LRRC4C: variants seen among roughly 807,000 people sequenced by gnomAD.
LRRC4C encodes the protein leucine-rich repeat-containing protein 4C.
A neutral mutation model predicts 33.6 loss-of-function variants in LRRC4C; 5 were observed. That is an observed-to-expected ratio of 0.15 (90% CI 0.08 to 0.31). LRRC4C has a LOEUF of 0.31. Ranked by LOEUF, LRRC4C falls within the 10% of genes least tolerant of loss-of-function variation. The pLI, the probability that LRRC4C is intolerant of heterozygous loss-of-function variation, is 1.00. For synonymous variants in LRRC4C, 329 were observed against 302.0 expected (o/e 1.09, Z -0.93); for missense variants, 560 against 796.7 (o/e 0.70, Z 3.58).
At chr11:40,302,061 C>T (rs1419634921) in intron 4 of LRRC4C, among the ~76,000 whole-genome samples, 1 of 152,140 alleles carries the variant, frequency 6.6e-6, no homozygotes, top group African/African-American at 2.4e-5. Context: ...ACATATCTAC[C>T]TAATCCATCA....
chr11:40,207,552 T>C (rs908341156), intron 5 of LRRC4C, among the ~76,000 whole-genome samples: 3 of 152,156 alleles, frequency 2.0e-5, no homozygotes, highest in African/African-American at 7.2e-5. Flanking sequence ...CAGTGAGCAA[T>C]GATCATGCCA....
At chr11:40,431,394 C>A (rs868287545) in intron 3 of LRRC4C, among the ~76,000 whole-genome samples, 837 of 125,150 alleles carry the variant, frequency 6.7e-3, no homozygotes, top group African/African-American at 6.9e-3. Context: ...GACTCTGTCT[C>A]AAAAAAAAAA....
At chr11:41,029,693 C>T (rs1856595358) in intron 1 of LRRC4C, among the ~76,000 whole-genome samples, 1 of 151,650 alleles carries the variant, frequency 6.6e-6, no homozygotes, top group African/African-American at 2.4e-5. Context: ...GGACTGATAC[C>T]TGGAGATTAG....
intron 2 of LRRC4C, among the ~76,000 whole-genome samples, chr11:40,772,973 A>T: frequency 6.6e-6 from 1 of 152,326 alleles, no homozygotes; most frequent in East Asian, 1.9e-4. Context: ...CAGATGAATT[A>T]ATAAAGGAAA....
At chr11:41,429,102 T>C (rs1423553676) in intron 1 of LRRC4C, among the ~76,000 whole-genome samples, 3 of 152,138 alleles carry the variant, frequency 2.0e-5, no homozygotes, top group Admixed American at 2.0e-4. Flanking sequence ...CCTCATGCTG[T>C]TCTCTTGATA....
At chr11:41,028,890 T>C (rs1240884012) in intron 1 of LRRC4C, among the ~76,000 whole-genome samples, 1 of 151,692 alleles carries the variant, frequency 6.6e-6, no homozygotes, top group African/African-American at 2.4e-5. Context: ...CTGATGTCCA[T>C]AGAGAAGGTG....
At chr11:40,834,296 C>A (rs1952555022) in intron 2 of LRRC4C, among the ~76,000 whole-genome samples, 1 of 151,928 alleles carries the variant, frequency 6.6e-6, no homozygotes, top group South Asian at 2.1e-4. Flanking sequence ...CATGGTAAAA[C>A]CCTGTCTCTA....
At chr11:40,948,890 G>A (rs948280886) in intron 1 of LRRC4C, among the ~76,000 whole-genome samples, 43 of 151,918 alleles carry the variant, frequency 2.8e-4, no homozygotes, top group Non-Finnish European at 5.7e-4. Context: ...CCCAGTAATG[G>A]GATGGCTGGG....
At chr11:40,733,912 T>C (rs1947730256) in intron 2 of LRRC4C, among the ~76,000 whole-genome samples, 1 of 152,266 alleles carries the variant, frequency 6.6e-6, no homozygotes, top group East Asian at 1.9e-4. Flanking sequence ...TTGAGAAAAG[T>C]AAGTCAGAAT....
chr11:41,031,635 T>G (rs777217575), intron 1 of LRRC4C, among the ~76,000 whole-genome samples: 1 of 151,964 alleles, frequency 6.6e-6, no homozygotes, highest in Non-Finnish European at 1.5e-5. Flanking sequence ...AGGTCCATTT[T>G]AAAATCAATT....
chr11:40,865,084 C>T (rs911582898), intron 2 of LRRC4C, among the ~76,000 whole-genome samples: 3 of 152,094 alleles, frequency 2.0e-5, no homozygotes, highest in Admixed American at 2.0e-4. Context: ...GAGATGTTTT[C>T]CACATGCTAA....
At chr11:40,749,130 T>G (rs555422642) in intron 2 of LRRC4C, among the ~76,000 whole-genome samples, 1 of 152,246 alleles carries the variant, frequency 6.6e-6, no homozygotes, top group South Asian at 2.1e-4. Flanking sequence ...GAACTTAACA[T>G]TTATTTACAG....
chr11:40,987,675 G>GAT (rs200421544), intron 1 of LRRC4C, among the ~76,000 whole-genome samples: 28,712 of 65,862 alleles, frequency 0.44, 4,897 homozygotes, highest in East Asian at 0.53. Flanking sequence ...AGATATAAAT[G>GAT]ATATATATAT....
At chr11:41,291,821 T>C (rs886277545) in intron 1 of LRRC4C, among the ~76,000 whole-genome samples, 1 of 152,168 alleles carries the variant, frequency 6.6e-6, no homozygotes, top group African/African-American at 2.4e-5. Flanking sequence ...AGAATTATAA[T>C]TTATAATATC....
chr11:41,141,979 A>T (rs1374219585), intron 1 of LRRC4C, among the ~76,000 whole-genome samples: 1 of 148,578 alleles, frequency 6.7e-6, no homozygotes, highest in Admixed American at 6.7e-5. Context: ...TGATACAGTT[A>T]AAAAAAAAAG....
At chr11:40,688,762 T>G (rs769207698) in intron 2 of LRRC4C, among the ~76,000 whole-genome samples, 46 of 152,244 alleles carry the variant, frequency 3.0e-4, no homozygotes, top group African/African-American at 1.1e-3. Context: ...AAGACGTGTT[T>G]GATTGGCGGG....
At chr11:40,655,305 A>G (rs895859003) in intron 2 of LRRC4C, among the ~76,000 whole-genome samples, 14 of 152,244 alleles carry the variant, frequency 9.2e-5, no homozygotes, top group African/African-American at 3.1e-4. Context: ...ATCATTCATA[A>G]TAACACAAAG....
chr11:41,294,524 T>A (rs1591182073), intron 1 of LRRC4C, among the ~76,000 whole-genome samples: 1 of 152,334 alleles, frequency 6.6e-6, no homozygotes, highest in East Asian at 1.9e-4. Flanking sequence ...GAAAGATGTA[T>A]TTCTATTTTG....
intron 1 of LRRC4C, among the ~76,000 whole-genome samples, chr11:40,947,169 T>G (rs1342015231): frequency 6.6e-6 from 1 of 152,162 alleles, no homozygotes; most frequent in African/African-American, 2.4e-5. Flanking sequence ...ATTATACATC[T>G]TAATCATGTA....
Sources: allele counts gnomAD v4.1 joint callset (sites outside exome capture counted in the v4.1 genomes callset), GRCh38; gene constraint gnomAD v4.1.1; transcripts MANE v1.5; gene names NCBI Gene and HGNC (gene_info 2026-07-23, HGNC 2026-07-21).